The following DLG2 variants were observed in gnomAD, a reference collection of about 807,000 sequenced individuals.
DLG2 encodes the protein disks large homolog 2.
In DLG2, 45 loss-of-function variants were observed where a neutral mutation model predicts 132.5. That is an observed-to-expected ratio of 0.34 (90% CI 0.27 to 0.44). The LOEUF (loss-of-function observed/expected upper bound fraction) is 0.44, where lower values mean the gene tolerates loss of function less well. DLG2 is among the 20% of genes least tolerant of loss of function. DLG2 has a pLI of 1.00. For synonymous variants in DLG2, 424 were observed against 419.6 expected (o/e 1.01, Z -0.13); for missense variants, 1,045 against 1,196.9 (o/e 0.87, Z 1.87).
chr11:85,511,988 T>C (rs1191812920), intron 3 of DLG2, among the ~76,000 whole-genome samples: 2 of 152,218 alleles, frequency 1.3e-5, no homozygotes, highest in South Asian at 2.1e-4. Flanking sequence ...TAATTGTTCA[T>C]ACCAATGTGA....
intron 3 of DLG2, among the ~76,000 whole-genome samples, chr11:85,351,697 G>A (rs1278837343): frequency 5.9e-5 from 9 of 152,124 alleles, no homozygotes; most frequent in Non-Finnish European, 7.4e-5. Context: ...TTCTGTTTAC[G>A]TGATGGATTA....
intron 9 of DLG2, among the ~76,000 whole-genome samples, chr11:84,141,459 A>G (rs1455557560): frequency 3.3e-5 from 5 of 152,172 alleles, no homozygotes; most frequent in Admixed American, 2.0e-4. Context: ...ATATGCATAA[A>G]CAAACACACA....
intron 6 of DLG2, among the ~76,000 whole-genome samples, chr11:85,038,174 G>A (rs190688973): frequency 2.0e-4 from 30 of 152,160 alleles, no homozygotes; most frequent in African/African-American, 6.5e-4. Flanking sequence ...CATTAGAGGA[G>A]AATAAAGATC....
chr11:84,245,034 A>G (rs939718341), intron 8 of DLG2, among the ~76,000 whole-genome samples: 2 of 152,218 alleles, frequency 1.3e-5, no homozygotes, highest in African/African-American at 2.4e-5. Context: ...CTTCCTTCTC[A>G]GAGAGCTCTT....
intron 18 of DLG2, among the ~76,000 whole-genome samples, chr11:83,645,029 C>T (rs2067733098): frequency 1.3e-5 from 2 of 151,960 alleles, no homozygotes; most frequent in Admixed American, 6.6e-5. Context: ...ACCTGGAGGT[C>T]ATTTAGGCAT....
chr11:84,538,965 G>C (rs1464118655), intron 6 of DLG2, among the ~76,000 whole-genome samples: 2 of 152,100 alleles, frequency 1.3e-5, no homozygotes, highest in African/African-American at 4.8e-5. Context: ...TTCTCTGCTT[G>C]TATTCAAATC....
At chr11:84,373,945 A>C (rs570833080) in intron 7 of DLG2, among the ~76,000 whole-genome samples, 1 of 152,300 alleles carries the variant, frequency 6.6e-6, no homozygotes, top group East Asian at 1.9e-4. Flanking sequence ...CTGCTTTGTA[A>C]AAATGTATAT....
chr11:84,677,023 G>C (rs2153701036), intron 6 of DLG2, among the ~76,000 whole-genome samples: 1 of 152,098 alleles, frequency 6.6e-6, no homozygotes. Context: ...AAGGGCCCTA[G>C]AGGTCATAAA....
At chr11:83,605,958 G>C (rs927860175) in intron 19 of DLG2, among the ~76,000 whole-genome samples, 5 of 152,194 alleles carry the variant, frequency 3.3e-5, no homozygotes, top group African/African-American at 7.2e-5. Flanking sequence ...TTACTTATCT[G>C]TGACTTGAGA....
intron 15 of DLG2, among the ~76,000 whole-genome samples, chr11:83,927,237 T>C (rs2079142174): frequency 1.3e-5 from 2 of 152,168 alleles, no homozygotes; most frequent in African/African-American, 2.4e-5. Flanking sequence ...GTTAGGAATA[T>C]AGCAGTGCCC....
chr11:84,363,083 A>G (rs2098659913), intron 7 of DLG2, among the ~76,000 whole-genome samples: 1 of 150,158 alleles, frequency 6.7e-6, no homozygotes, highest in African/African-American at 2.4e-5. Context: ...AGGAATCGCC[A>G]CACTGACTTC....
Position 84,405,559 on chromosome 11 carries a change from T to C in DLG2, c.519+129011A>G, listed in dbSNP as rs1033998245. Reference sequence around the variant, plus strand: ...CATTCCATATTTAATATCTAACCTATTGAAAGCCAGAAATGTTCAAAGTGC... The same window carrying C: ...CATTCCATATTTAATATCTAACCTACTGAAAGCCAGAAATGTTCAAAGTGC... On this transcript the variant is annotated intron_variant, in intron 7 of 27. Transcript: ENST00000376104. Among the ~76,000 whole-genome samples the C allele has an allele frequency of 2.0e-5, 3 of 152,228 alleles. No homozygotes were observed. The East Asian group carries it at 5.8e-4, about 29-fold the overall frequency.
intron 6 of DLG2, among the ~76,000 whole-genome samples, chr11:84,624,566 G>T (rs1417403863): frequency 6.6e-6 from 1 of 151,884 alleles, no homozygotes; most frequent in Non-Finnish European, 1.5e-5. Flanking sequence ...ACTGTATGAG[G>T]TCTATCAAAT....
Position 84,580,387 on chromosome 11 carries a change from T to C in DLG2, c.358-45656A>G, listed in dbSNP as rs187533071. Among the ~76,000 whole-genome samples the C allele has an allele frequency of 4.7e-3, 718 of 152,360 alleles. 11 individuals are homozygous for C. The highest frequency in any genetic ancestry group is 0.016 in the African/African-American group (671 of 41,596). ...ACTCTTTGACTTGTACTTACAGTCTTAGTCTCAAACTACATTACCTCTTAC... is the reference window on the plus strand; with the variant it reads ...ACTCTTTGACTTGTACTTACAGTCTCAGTCTCAAACTACATTACCTCTTAC... On this transcript the variant is annotated intron_variant, in intron 6 of 27. Coordinates refer to ENST00000376104, the MANE Select transcript of DLG2 (RefSeq NM_001142699.3).
At chr11:85,395,987 G>A (rs539249785) in intron 3 of DLG2, among the ~76,000 whole-genome samples, 1 of 152,276 alleles carries the variant, frequency 6.6e-6, no homozygotes, top group South Asian at 2.1e-4. Flanking sequence ...CCCCTGTGTA[G>A]CCTGACTGGG....
intron 6 of DLG2, among the ~76,000 whole-genome samples, chr11:84,875,919 G>T (rs1030615881): frequency 6.6e-6 from 1 of 152,084 alleles, no homozygotes; most frequent in Non-Finnish European, 1.5e-5. Context: ...TGTATTTTTA[G>T]TAGAGACGGG....
chr11:85,080,276 A>G (rs1322411154), intron 6 of DLG2, among the ~76,000 whole-genome samples: 1 of 152,110 alleles, frequency 6.6e-6, no homozygotes, highest in Admixed American at 6.6e-5. Flanking sequence ...ATCAGCTAGA[A>G]AGGAAAGAAG....
chr11:83,641,193 G>T (rs934742964), intron 18 of DLG2, among the ~76,000 whole-genome samples: 2 of 152,058 alleles, frequency 1.3e-5, no homozygotes, highest in African/African-American at 4.8e-5. Flanking sequence ...TTGTAGAGAG[G>T]GGAAGATGTA....
At chr11:84,039,382 A>T (rs1158347956) in intron 11 of DLG2, among the ~76,000 whole-genome samples, 1 of 94,380 alleles carries the variant, frequency 1.1e-5, no homozygotes, top group African/African-American at 4.4e-5. Flanking sequence ...CCCCCACCCC[A>T]CAACAGTCCC....
Sources: gnomAD v4.1 joint callset for allele counts (sites outside exome capture counted in the v4.1 genomes callset) on GRCh38, gnomAD v4.1.1 for gene constraint, MANE v1.5 for transcripts, NCBI Gene and HGNC (gene_info 2026-07-23, HGNC 2026-07-21) for gene names.